Variants in STARD13 observed in about 807,000 individuals in gnomAD.
The protein encoded by STARD13 is stAR-related lipid transfer protein 13.
Under a neutral mutation model 106.4 loss-of-function variants are expected in STARD13, and 62 were observed. The ratio of observed to expected loss-of-function variants is 0.58; its 90% CI spans 0.48 to 0.72. The LOEUF is 0.72. Among genes scored for constraint, STARD13 ranks in the 30% least tolerant of loss-of-function variants. STARD13 has a pLI of 0.00. For synonymous variants in STARD13, 565 were observed against 553.0 expected, an observed-to-expected ratio of 1.02 and a Z score of -0.31; for missense variants, 1,387 against 1,424.0, an observed-to-expected ratio of 0.97 and a Z score of 0.42.
the STARD13 span, among the ~76,000 whole-genome samples, chr13:33,499,195 C>A: frequency 6.6e-6 from 1 of 152,116 alleles, no homozygotes; most frequent in African/African-American, 2.4e-5. Flanking sequence ...ACAGAGTGAG[C>A]CTCAGAAATT....
intron 1 of STARD13, among the ~76,000 whole-genome samples, chr13:33,326,616 G>A (rs79752894): frequency 0.023 from 3,491 of 152,278 alleles, 56 homozygotes; most frequent in Non-Finnish European, 0.037. Flanking sequence ...TCTTAAAAAT[G>A]CAGGTTCCTG....
chr13:33,260,058 A>G (rs1173170749), intron 1 of STARD13, among the ~76,000 whole-genome samples: 1 of 152,050 alleles, frequency 6.6e-6, no homozygotes, highest in Non-Finnish European at 1.5e-5. Flanking sequence ...ACCTCATAAC[A>G]ATCCTTTGAG....
At chr13:33,542,993 A>G in the STARD13 span, among the ~76,000 whole-genome samples, 1 of 152,104 alleles carries the variant, frequency 6.6e-6, no homozygotes, top group African/African-American at 2.4e-5. Flanking sequence ...CTTTGTGGCG[A>G]CTCTGAAGCG....
the STARD13 span, among the ~76,000 whole-genome samples, chr13:33,555,956 T>C: frequency 6.6e-6 from 1 of 152,228 alleles, no homozygotes; most frequent in East Asian, 1.9e-4. Context: ...ATAATATTTC[T>C]TCTTCAGAAA....
At chr13:33,660,062 C>T in the STARD13 span, 1 of 152,164 alleles carries the variant, frequency 6.6e-6, no homozygotes, top group African/African-American at 2.4e-5. Flanking sequence ...CTCAGAGGAA[C>T]ATTGAGGGAG....
At chr13:33,280,666 A>G (rs1891730052) in intron 1 of STARD13, 1 of 152,162 alleles carries the variant, frequency 6.6e-6, no homozygotes, top group Non-Finnish European at 1.5e-5. Context: ...TTCCTATTAC[A>G]TCGATATTAA....
chr13:33,193,811 G>A (rs962353383), intron 1 of STARD13, among the ~76,000 whole-genome samples: 2 of 152,194 alleles, frequency 1.3e-5, no homozygotes, highest in African/African-American at 4.8e-5. Context: ...TAAAATAAAT[G>A]AGGAGGTTTA....
At chr13:33,567,190 C>T in the STARD13 span, among the ~76,000 whole-genome samples, 3 of 148,274 alleles carry the variant, frequency 2.0e-5, 1 homozygote, top group African/African-American at 7.4e-5. Context: ...AATAAATAGG[C>T]CCAACTTTTT....
intron 1 of STARD13, among the ~76,000 whole-genome samples, chr13:33,298,981 C>G (rs1892608080): frequency 6.6e-6 from 1 of 152,166 alleles, no homozygotes. Context: ...AGTCTTACAC[C>G]ACATAACGTT....
At chr13:33,337,173 C>T (rs1187942915) in intron 1 of STARD13, among the ~76,000 whole-genome samples, 4 of 152,242 alleles carry the variant, frequency 2.6e-5, no homozygotes, top group Admixed American at 2.0e-4. Context: ...AAAATGTTGG[C>T]AGATATAAAA....
the STARD13 span, among the ~76,000 whole-genome samples, chr13:33,659,445 A>C: frequency 1.1e-4 from 17 of 152,102 alleles, no homozygotes; most frequent in African/African-American, 3.9e-4. Flanking sequence ...CAATCTCCTG[A>C]CCTCGTGATC....
rs776504643 is a variant in STARD13 at position 33,146,273 on chromosome 13, G to A, written c.324-3900C>T. 7.2e-5 allele frequency among the ~76,000 whole-genome samples: 11 copies of A among 151,874 alleles called. No individual in the cohort carries two copies. The South Asian group carries it at 1.0e-3, about 14-fold the overall frequency. ...CGGGAGGCGGAGGTTGCAGCGAGCC[G>A]AGATTGCACCATTGCACCCCAGCCT... is the stretch of plus-strand genomic sequence containing the variant. On this transcript the variant is annotated intron_variant, in intron 3 of 13. Coordinates refer to ENST00000336934, the MANE Select transcript of STARD13 (RefSeq NM_178006.4).
At chr13:33,242,885 T>C (rs900036714) in intron 1 of STARD13, among the ~76,000 whole-genome samples, 2 of 152,232 alleles carry the variant, frequency 1.3e-5, no homozygotes, top group Non-Finnish European at 1.5e-5. Context: ...TCTTTGTCTG[T>C]TTTTCTGTTC....
At chr13:33,117,457 T>C (rs1027791546) in intron 8 of STARD13, 4 of 293,242 alleles carry the variant, frequency 1.4e-5, no homozygotes, top group Non-Finnish European at 2.0e-5. Context: ...TATAGTAGGA[T>C]ATGCTTCTTA....
At chr13:33,220,977 A>G (rs1249858627) in intron 1 of STARD13, among the ~76,000 whole-genome samples, 1 of 152,178 alleles carries the variant, frequency 6.6e-6, no homozygotes, top group East Asian at 1.9e-4. Context: ...TAGTCCTTAC[A>G]TTCATTACAA....
chr13:33,617,948 G>A, the STARD13 span, among the ~76,000 whole-genome samples: 1 of 152,156 alleles, frequency 6.6e-6, no homozygotes, highest in Non-Finnish European at 1.5e-5. Context: ...AGAGCAGGAG[G>A]ACCTCTCTGA....
rs572019492 is a variant in STARD13 at position 33,136,696 on chromosome 13, C to G, written c.387+5614G>C. 8.5e-4 allele frequency among the ~76,000 whole-genome samples: 130 copies of G among 152,348 alleles called. 1 individual carries two copies. In the Middle Eastern group the frequency reaches 0.01, roughly 12 times the overall value. ...CCAGCCACACTAGGGGAGAAAACCACCCAACTTCGGGACCACCCTTGCATC... is the reference window on the plus strand; with the variant it reads ...CCAGCCACACTAGGGGAGAAAACCAGCCAACTTCGGGACCACCCTTGCATC... On this transcript the variant is annotated intron_variant, in intron 4 of 13. Transcript: ENST00000336934.
At chr13:33,153,500 G>C (rs1446958261) in intron 3 of STARD13, among the ~76,000 whole-genome samples, 1 of 152,182 alleles carries the variant, frequency 6.6e-6, no homozygotes. Context: ...TAAGCAGCCT[G>C]TGTGCCCTGA....
rs554194681 is a variant in STARD13, at chr13:33,187,747, A to T, written c.170-20125T>A. On this transcript the variant is annotated intron_variant, in intron 1 of 13. Coordinates refer to ENST00000336934, the MANE Select transcript of STARD13 (RefSeq NM_178006.4). ...ACCCAGGCTGGACTGCAGTGGCATGATCTCAGCTCACTGTAACCTCCGCCT... is the reference window on the plus strand; with the variant it reads ...ACCCAGGCTGGACTGCAGTGGCATGTTCTCAGCTCACTGTAACCTCCGCCT... Among the ~76,000 whole-genome samples, 115 of 152,242 alleles carry T rather than the reference A, an allele frequency of 7.6e-4. 3 individuals carry two copies. In the South Asian group the frequency reaches 0.022, roughly 30 times the overall value.
Sources: allele counts gnomAD v4.1 joint callset (sites outside exome capture counted in the v4.1 genomes callset), GRCh38; gene constraint gnomAD v4.1.1; transcripts MANE v1.5; gene names NCBI Gene and HGNC (gene_info 2026-07-23, HGNC 2026-07-21).